RPAP2: variants seen among roughly 807,000 people sequenced by gnomAD.
RPAP2 encodes the protein putative RNA polymerase II subunit B1 CTD phosphatase RPAP2.
In RPAP2, 52 loss-of-function variants were observed where a neutral mutation model predicts 73.1. That is an observed-to-expected ratio of 0.71 (90% CI 0.57 to 0.90). The LOEUF (loss-of-function observed/expected upper bound fraction) is 0.90. Among genes scored for constraint, RPAP2 ranks in the 40% least tolerant of loss-of-function variants. RPAP2 has a pLI of 0.00. For missense variants in RPAP2, 598 were observed against 701.8 expected (o/e 0.85, Z 1.67); for synonymous variants, 225 against 242.1 (o/e 0.93, Z 0.65).
At chr1:92,352,445 G>C (rs948755515) in intron 11 of RPAP2, among the ~76,000 whole-genome samples, 3 of 39,698 alleles carry the variant, frequency 7.6e-5, no homozygotes, top group African/African-American at 4.6e-4. Context: ...GCCTCAGCAG[G>C]CTGTTTTTTT....
chr1:92,301,555 G>T lies in RPAP2; in HGVS notation c.199G>T (p.Glu67Ter). 6.4e-7 allele frequency: 1 copy of T among 1,566,000 alleles called. No individual in the cohort carries two copies. The change falls in exon 3 of 13, where the codon GAG becomes TAG. Residue 67 changes from glutamate to a stop codon, truncating the protein, a stop_gained. Transcript: ENST00000610020. LOFTEE classifies it high-confidence loss of function. ...TCTACATATTGTTGAACAGCTTTTA[G>T]AGGAGAATATTACAGAAGAGTTCCT... is the stretch of plus-strand genomic sequence containing the variant. ...KALHIVEQLL[E>*]ENITEEFLME...
At chr1:92,316,884 C>T (rs1054796270) in intron 6 of RPAP2, among the ~76,000 whole-genome samples, 1 of 152,156 alleles carries the variant, frequency 6.6e-6, no homozygotes, top group African/African-American at 2.4e-5. Context: ...ATTTCAGTGT[C>T]AGGTACCATT....
chr1:92,331,779 G>A (rs1018361119), intron 8 of RPAP2, among the ~76,000 whole-genome samples: 1 of 151,942 alleles, frequency 6.6e-6, no homozygotes, highest in African/African-American at 2.4e-5. Flanking sequence ...TTCCATCTGA[G>A]ATCATTTGCC....
chr1:92,314,901 C>T (rs113383874), intron 6 of RPAP2, among the ~76,000 whole-genome samples: 3,158 of 151,054 alleles, frequency 0.021, 134 homozygotes, highest in African/African-American at 0.072. Flanking sequence ...AAAAATTAAC[C>T]GGGCATGGTG....
At chr1:92,300,472 T>C (rs1650752261) in intron 2 of RPAP2, among the ~76,000 whole-genome samples, 1 of 152,186 alleles carries the variant, frequency 6.6e-6, no homozygotes, top group Non-Finnish European at 1.5e-5. Flanking sequence ...AATGAGTGTC[T>C]GTAGAAGGTG....
At chr1:92,376,756 T>C (rs1353708806) in intron 11 of RPAP2, among the ~76,000 whole-genome samples, 5 of 152,224 alleles carry the variant, frequency 3.3e-5, no homozygotes, top group Admixed American at 2.6e-4. Flanking sequence ...CAAGTAACAA[T>C]TAAATTTATA....
At chr1:92,373,733 TAAAAATAAAAAAAAAAAAAAAAAAAA>T (rs1655256276) in intron 11 of RPAP2, among the ~76,000 whole-genome samples, 1 of 40,892 alleles carries the variant, frequency 2.4e-5, no homozygotes, top group Admixed American at 3.8e-4. Flanking sequence ...CCGTCTCTAC[TAAAAATAAAAAAAAAAAAAAAAAAAA>T]AAAAAAAAAA....
rs1398425792 is a variant in RPAP2 at position 92,323,522 on chromosome 1, A to G, written c.602A>G (p.Glu201Gly). The change falls in exon 8 of 13, where the codon GAA (glutamate) becomes GGA (glycine). Residue 201 changes from glutamate (E) to glycine (G), a missense_variant. Glu to Gly is a moderately conservative substitution (Grantham distance 98). Coordinates refer to ENST00000610020, the MANE Select transcript of RPAP2 (RefSeq NM_024813.3). The stretch of plus-strand genomic sequence containing the variant: ...GATATCGACAATCCTAGCCACTTTG[A>G]AAAGCAATATGAATCTAGTTCTTCT... ...TSDIDNPSHF[E>G]KQYESSSSST... 1.9e-6 allele frequency: 3 copies of G among 1,613,964 alleles called. No individual in the cohort carries two copies. The highest frequency in any genetic ancestry group is 2.2e-5 in the South Asian group (2 of 91,066).
intron 6 of RPAP2, among the ~76,000 whole-genome samples, chr1:92,316,535 A>G (rs1252185300): frequency 6.6e-6 from 1 of 152,246 alleles, no homozygotes; most frequent in Non-Finnish European, 1.5e-5. Flanking sequence ...ACTTTGCTAA[A>G]ATGAAAACCA....
chr1:92,323,030 ATATT>A (rs984140642), intron 7 of RPAP2, among the ~76,000 whole-genome samples: 7 of 146,478 alleles, frequency 4.8e-5, no homozygotes, highest in Non-Finnish European at 9.0e-5. Context: ...ATATTTTTAT[ATATT>A]TATATATCTT....
intron 11 of RPAP2, among the ~76,000 whole-genome samples, chr1:92,359,749 A>T (rs989816731): frequency 6.6e-6 from 1 of 152,234 alleles, no homozygotes; most frequent in African/African-American, 2.4e-5. Flanking sequence ...AAGAATGGTG[A>T]TGAAAATCAG....
In RPAP2 at chr1:92,304,327, T is replaced by C; in HGVS notation, c.377T>C (p.Val126Ala). 1 of 1,524,784 alleles carries C rather than the reference T, an allele frequency of 6.6e-7. No individual in the cohort carries two copies. Among genetic ancestry groups the C allele is most frequent in the Non-Finnish European group, 9.0e-7 (1 of 1,110,718 alleles). 94.5% of individuals were successfully genotyped at this position (1,524,784 alleles called of 1,614,324 possible). A position where few individuals can be genotyped will look rare whatever the true frequency, so the allele number is the denominator to read the frequency against. Residue 126 changes from valine to alanine, a missense_variant, in exon 5 of 13, where the codon GTC (valine) becomes GCC (alanine). By Grantham distance (64) the Val-to-Ala change is moderately conservative (BLOSUM62 0). Transcript: ENST00000610020. ...AAAATTTCTACCAAAACCAATAAAG[T>C]CTATGATATTACTGAAAGAAAGGTG... ...KYKISTKTNK[V>A]YDITERKSFC...
chr1:92,357,094 TACACAC>T (rs34488806), intron 11 of RPAP2, among the ~76,000 whole-genome samples: 3 of 144,756 alleles, frequency 2.1e-5, no homozygotes, highest in Non-Finnish European at 3.0e-5. Flanking sequence ...AAGGATTACA[TACACAC>T]ACACACACAC....
In RPAP2 at chr1:92,364,015, A is replaced by AG. The variant is rs1215143371; in HGVS notation, c.1689-16704dup. On this transcript the variant is annotated intron_variant, in intron 11 of 12. Transcript: ENST00000610020. Reference sequence around the variant, plus strand: ...ATACAGATTTTCAACTGCATGGGGGAGGGGGTCAGTGTCCCTAATGCCTGC... The same window carrying AG: ...ATACAGATTTTCAACTGCATGGGGGAGGGGGGTCAGTGTCCCTAATGCCTGC... Among the ~76,000 whole-genome samples, 26 of 152,158 alleles carry AG rather than the reference A, an allele frequency of 1.7e-4. 1 individual carries two copies. The South Asian group carries it at 5.4e-3, about 32-fold the overall frequency.
At chr1:92,386,710 G>GT (rs529121425) in intron 12 of RPAP2, among the ~76,000 whole-genome samples, 198 of 151,764 alleles carry the variant, frequency 1.3e-3, no homozygotes, top group South Asian at 0.011. Context: ...TGTTTTTTGG[G>GT]TTTTTTTTGA....
intron 11 of RPAP2, among the ~76,000 whole-genome samples, chr1:92,373,739 TAAAAAAA>T (rs59586077): frequency 6.2e-5 from 5 of 80,536 alleles, no homozygotes; most frequent in African/African-American, 2.1e-4. Context: ...CTACTAAAAA[TAAAAAAA>T]AAAAAAAAAA....
rs930569421 is a variant in RPAP2 at position 92,397,191 on chromosome 1, C to A, written c.*10180C>A. ...ATTGCTTGAGTCCAGGAGTTTGAGA[C>A]CAACTTGGGCAACATAGCAAAACCC... On this transcript the variant is annotated 3_prime_UTR_variant, in exon 13 of 13. Transcript: ENST00000610020. 1 of 151,934 alleles carries A rather than the reference C, an allele frequency of 6.6e-6. No individual in the cohort carries two copies. Among genetic ancestry groups the A allele is most frequent in the Non-Finnish European group, 1.5e-5 (1 of 68,010 alleles). 9.4% of individuals were successfully genotyped at this position (151,934 alleles called of 1,614,324 possible).
intron 11 of RPAP2, among the ~76,000 whole-genome samples, chr1:92,380,249 G>C (rs1557633637): frequency 6.6e-6 from 1 of 150,900 alleles, no homozygotes; most frequent in African/African-American, 2.4e-5. Flanking sequence ...CTGCACTCCA[G>C]CCTAGATGAC....
At position 92,400,752 on chromosome 1, in the gene RPAP2, A is replaced by G. The variant is rs971006586; in HGVS notation, c.*13741A>G. 10 of 152,358 alleles carry G rather than the reference A, an allele frequency of 6.6e-5. No individual in the cohort carries two copies. The highest frequency in any genetic ancestry group is 2.4e-4 in the African/African-American group (10 of 41,588). The allele number at this position is 152,358 out of a possible 1,614,324, so 9.4% of individuals were successfully genotyped here. On this transcript the variant is annotated 3_prime_UTR_variant, in exon 13 of 13. Transcript: ENST00000610020. ...AGAGGCTGGAAAAAGAGTTTGGAAAAAGAACTCTGTGGCTTTAGGAATTTC... is the reference window on the plus strand; with the variant it reads ...AGAGGCTGGAAAAAGAGTTTGGAAAGAGAACTCTGTGGCTTTAGGAATTTC...
Sources: gnomAD v4.1 joint callset for allele counts (sites outside exome capture counted in the v4.1 genomes callset) on GRCh38, gnomAD v4.1.1 for gene constraint, MANE v1.5 for transcripts, NCBI Gene and HGNC (gene_info 2026-07-23, HGNC 2026-07-21) for gene names.